Variants in ERBB4 observed in about 807,000 individuals in gnomAD.
ERBB4 encodes the protein receptor tyrosine-protein kinase erbB-4.
Under a neutral mutation model 158.0 loss-of-function variants are expected in ERBB4, and 42 were observed. The ratio of observed to expected loss-of-function variants is 0.27; its 90% CI spans 0.21 to 0.34. The LOEUF (loss-of-function observed/expected upper bound fraction) is 0.34. ERBB4 is among the 10% of genes least tolerant of loss of function. The pLI is 1.00. For synonymous variants in ERBB4, 583 were observed against 558.7 expected (o/e 1.04, Z -0.61); for missense variants, 1,333 against 1,624.1 (o/e 0.82, Z 3.08).
chr2:211,428,990 A>G (rs1209249773), intron 21 of ERBB4, among the ~76,000 whole-genome samples: 1 of 151,934 alleles, frequency 6.6e-6, no homozygotes, highest in Non-Finnish European at 1.5e-5. Flanking sequence ...GGGATTACAT[A>G]CGTGAGCCAC....
intron 2 of ERBB4, among the ~76,000 whole-genome samples, chr2:212,091,892 T>A (rs564915774): frequency 9.8e-5 from 15 of 152,310 alleles, no homozygotes; most frequent in Admixed American, 5.2e-4. Flanking sequence ...TACTTTTTTT[T>A]ATTCAGAACT....
At chr2:211,694,605 G>C (rs1414549391) in intron 12 of ERBB4, among the ~76,000 whole-genome samples, 1 of 149,964 alleles carries the variant, frequency 6.7e-6, no homozygotes, top group Non-Finnish European at 1.5e-5. Flanking sequence ...TATTACTCTA[G>C]TAATTTTAAA....
At chr2:212,005,269 G>A (rs564102402) in intron 2 of ERBB4, among the ~76,000 whole-genome samples, 6 of 152,210 alleles carry the variant, frequency 3.9e-5, no homozygotes, top group Non-Finnish European at 5.9e-5. Flanking sequence ...TTTGCCGCCC[G>A]GACCTCTAGA....
chr2:211,642,540 T>C (rs2070635063), intron 16 of ERBB4, among the ~76,000 whole-genome samples: 1 of 152,116 alleles, frequency 6.6e-6, no homozygotes, highest in South Asian at 2.1e-4. Context: ...CATCTCTTTA[T>C]CTATGTAATG....
chr2:211,785,023 G>T (rs2076124142), intron 4 of ERBB4, among the ~76,000 whole-genome samples: 1 of 150,982 alleles, frequency 6.6e-6, no homozygotes, highest in African/African-American at 2.4e-5. Flanking sequence ...TCAGATACAT[G>T]ATTTACAAAT....
chr2:212,100,207 T>C (rs2079044944), intron 2 of ERBB4, among the ~76,000 whole-genome samples: 1 of 152,180 alleles, frequency 6.6e-6, no homozygotes, highest in Non-Finnish European at 1.5e-5. Context: ...GTTATATCAA[T>C]GGACCTTATC....
At chr2:211,660,589 C>T (rs1390714230) in intron 15 of ERBB4, among the ~76,000 whole-genome samples, 2 of 152,118 alleles carry the variant, frequency 1.3e-5, no homozygotes, top group East Asian at 3.8e-4. Flanking sequence ...TTTAGTATGG[C>T]TGTCCTACAT....
chr2:211,855,102 T>A (rs1336564424), intron 3 of ERBB4, among the ~76,000 whole-genome samples: 1 of 152,158 alleles, frequency 6.6e-6, no homozygotes, highest in Non-Finnish European at 1.5e-5. Flanking sequence ...TTAGTAATTA[T>A]GTTGGGAAGC....
At chr2:212,445,587 T>C (rs955063589) in intron 1 of ERBB4, among the ~76,000 whole-genome samples, 2 of 152,194 alleles carry the variant, frequency 1.3e-5, no homozygotes, top group African/African-American at 4.8e-5. Context: ...ATCAGACTAC[T>C]ACTCCATAAT....
intron 20 of ERBB4, among the ~76,000 whole-genome samples, chr2:211,461,983 T>C (rs765089917): frequency 1.3e-5 from 2 of 151,994 alleles, no homozygotes; most frequent in African/African-American, 2.4e-5. Flanking sequence ...TTTATGGCAA[T>C]TAAAATGCTC....
At chr2:211,794,380 T>C (rs1340651919) in intron 3 of ERBB4, among the ~76,000 whole-genome samples, 1 of 151,900 alleles carries the variant, frequency 6.6e-6, no homozygotes, top group Non-Finnish European at 1.5e-5. Context: ...ATATATTCTT[T>C]TGTGTATTTG....
intron 1 of ERBB4, among the ~76,000 whole-genome samples, chr2:212,412,910 A>G (rs558547927): frequency 6.6e-6 from 1 of 152,252 alleles, no homozygotes; most frequent in South Asian, 2.1e-4. Flanking sequence ...GATGAACAGA[A>G]TAATTCCCTC....
At chr2:212,287,654 T>C (rs2086047116) in intron 1 of ERBB4, among the ~76,000 whole-genome samples, 1 of 151,880 alleles carries the variant, frequency 6.6e-6, no homozygotes, top group Non-Finnish European at 1.5e-5. Context: ...AACACAACTA[T>C]GGATATAATA....
chr2:212,014,370 T>C (rs2076459606), intron 2 of ERBB4, among the ~76,000 whole-genome samples: 1 of 152,208 alleles, frequency 6.6e-6, no homozygotes, highest in Admixed American at 6.5e-5. Flanking sequence ...AACAACTTGC[T>C]TTAAAGTAAA....
intron 1 of ERBB4, among the ~76,000 whole-genome samples, chr2:212,237,814 G>A (rs947008763): frequency 2.0e-5 from 3 of 152,186 alleles, no homozygotes; most frequent in African/African-American, 2.4e-5. Flanking sequence ...TGGCTACATC[G>A]GCTTTGCAGG....
At chr2:211,673,121 G>A (rs768162345) in intron 14 of ERBB4, 43 bp downstream of exon 14, 3 of 1,313,580 alleles carry the variant, frequency 2.3e-6, no homozygotes, top group Non-Finnish European at 3.3e-6. Context: ...ATTCATACAT[G>A]ATACTAAATA....
rs542014119 is a variant in ERBB4, at chr2:212,366,238, T to A, written c.82+172211A>T. On this transcript the variant is annotated intron_variant, in intron 1 of 27. Transcript: ENST00000342788. ...CTTACTACTGCATATCTGATATAAA[T>A]TATGATTATATTAAAAAGCTTGGCA... Among the ~76,000 whole-genome samples the A allele has an allele frequency of 7.9e-5, 12 of 152,098 alleles. No homozygotes were observed. The South Asian group carries it at 1.4e-3, about 18-fold the overall frequency.
intron 9 of ERBB4, among the ~76,000 whole-genome samples, chr2:211,709,258 T>TATATATATATATATATAC (rs2073586294): frequency 9.6e-6 from 1 of 103,934 alleles, no homozygotes; most frequent in African/African-American, 3.5e-5. Context: ...TATACACATA[T>TATATATATATATATATAC]ATATATATAT....
intron 20 of ERBB4, among the ~76,000 whole-genome samples, chr2:211,543,139 C>A (rs1051721367): frequency 6.6e-6 from 1 of 152,022 alleles, no homozygotes; most frequent in East Asian, 1.9e-4. Context: ...ATTCTTGATT[C>A]TAGTAGTCCA....
Sources: gnomAD v4.1 joint callset for allele counts (sites outside exome capture counted in the v4.1 genomes callset) on GRCh38, gnomAD v4.1.1 for gene constraint, MANE v1.5 for transcripts, NCBI Gene and HGNC (gene_info 2026-07-23, HGNC 2026-07-21) for gene names.